The following PTPN14 variants were observed in gnomAD, a reference collection of about 807,000 sequenced individuals.
PTPN14 encodes the protein tyrosine-protein phosphatase non-receptor type 14.
A neutral mutation model predicts 126.8 loss-of-function variants in PTPN14; 53 were observed. The observed-to-expected ratio is 0.42, with a 90% confidence interval of 0.34 to 0.53. The LOEUF is 0.53. PTPN14 is among the 20% of genes least tolerant of loss of function. The pLI, the probability that PTPN14 is intolerant of heterozygous loss-of-function variation, is 0.08. For missense variants in PTPN14, 1,257 were observed against 1,552.9 expected (o/e 0.81, Z 3.20); for synonymous variants, 630 against 599.3 (o/e 1.05, Z -0.75).
chr1:214,424,612 C>T (rs555127776), intron 3 of PTPN14, among the ~76,000 whole-genome samples: 1 of 152,016 alleles, frequency 6.6e-6, no homozygotes, highest in South Asian at 2.1e-4. Flanking sequence ...ATTGCAACCT[C>T]CATCTCCCGG....
At chr1:214,381,594 A>G (rs1571961569) in intron 13 of PTPN14, among the ~76,000 whole-genome samples, 1 of 152,358 alleles carries the variant, frequency 6.6e-6, no homozygotes, top group East Asian at 1.9e-4. Context: ...AGGTTTTCCA[A>G]AAGTAACAAG....
chr1:214,495,825 G>C (rs1661352011), intron 1 of PTPN14, among the ~76,000 whole-genome samples: 1 of 152,100 alleles, frequency 6.6e-6, no homozygotes, highest in South Asian at 2.1e-4. Context: ...CTCCCGAGTA[G>C]CTGGGATTAC....
At chr1:214,479,214 G>A (rs2102672722) in intron 1 of PTPN14, among the ~76,000 whole-genome samples, 1 of 152,190 alleles carries the variant, frequency 6.6e-6, no homozygotes, top group African/African-American at 2.4e-5. Flanking sequence ...GAATGTGGTG[G>A]TGCATGCATG....
At chr1:214,520,741 G>A (rs752681938) in intron 1 of PTPN14, among the ~76,000 whole-genome samples, 1 of 152,052 alleles carries the variant, frequency 6.6e-6, no homozygotes, top group African/African-American at 2.4e-5. Flanking sequence ...GACTTGTTGA[G>A]TTTATTGGGA....
intron 13 of PTPN14, among the ~76,000 whole-genome samples, chr1:214,380,459 C>G (rs2102532527): frequency 6.6e-6 from 1 of 152,166 alleles, no homozygotes; most frequent in Non-Finnish European, 1.5e-5. Flanking sequence ...GATCAGAGGG[C>G]CTTTTCTTCT....
At chr1:214,519,905 G>A (rs1655200690) in intron 1 of PTPN14, among the ~76,000 whole-genome samples, 1 of 151,654 alleles carries the variant, frequency 6.6e-6, no homozygotes, top group African/African-American at 2.4e-5. Flanking sequence ...AAATTAGCTG[G>A]GCATGGTGGC....
intron 1 of PTPN14, chr1:214,533,535 A>T (rs1021392061): frequency 4.0e-4 from 40 of 100,770 alleles, no homozygotes; most frequent in African/African-American, 1.6e-3. Flanking sequence ...CGGTTTAAAT[A>T]AAAAAAAAAA....
intron 3 of PTPN14, among the ~76,000 whole-genome samples, chr1:214,419,160 T>C (rs562141660): frequency 2.0e-5 from 3 of 152,176 alleles, no homozygotes; most frequent in African/African-American, 4.8e-5. Context: ...CATTACTCCT[T>C]CTCCCCCTAC....
intron 1 of PTPN14, among the ~76,000 whole-genome samples, chr1:214,467,888 G>C (rs894688085): frequency 6.6e-6 from 1 of 152,148 alleles, no homozygotes; most frequent in African/African-American, 2.4e-5. Context: ...TCAACAAAAT[G>C]TAAGAAAATT....
At chr1:214,466,043 G>A (rs187611229) in intron 1 of PTPN14, among the ~76,000 whole-genome samples, 27 of 134,728 alleles carry the variant, frequency 2.0e-4, no homozygotes, top group South Asian at 7.6e-4. Context: ...TGCAACCTCC[G>A]CCTCCCAGGT....
chr1:214,467,824 T>G (rs1482574789), intron 1 of PTPN14, among the ~76,000 whole-genome samples: 1 of 152,164 alleles, frequency 6.6e-6, no homozygotes, highest in Admixed American at 6.5e-5. Context: ...ACATTTTGAT[T>G]TCTAAAAGAC....
chr1:214,492,858 A>G (rs951200642), intron 1 of PTPN14, among the ~76,000 whole-genome samples: 2 of 151,872 alleles, frequency 1.3e-5, no homozygotes, highest in East Asian at 1.9e-4. Context: ...AGATCACACT[A>G]CAGCATTCCA....
At chr1:214,458,641 T>C (rs746743372) in intron 2 of PTPN14, among the ~76,000 whole-genome samples, 11 of 152,108 alleles carry the variant, frequency 7.2e-5, no homozygotes, top group Non-Finnish European at 1.5e-4. Flanking sequence ...ACATAGCTAG[T>C]AAATGGCAGA....
In PTPN14 at chr1:214,427,369, T is replaced by C. The variant is rs566081011; in HGVS notation, c.345-12643A>G. 1.8e-4 allele frequency among the ~76,000 whole-genome samples: 28 copies of C among 152,232 alleles called. 1 individual carries two copies. The South Asian group carries it at 5.6e-3, about 30-fold the overall frequency. ...GTTCATGAAACCAGCATAAAATGTA[T>C]TGAATAGAAATCATTATAAAAGCTG... is the stretch of plus-strand genomic sequence containing the variant. On this transcript the variant is annotated intron_variant, in intron 3 of 18. Transcript: ENST00000366956.
intron 11 of PTPN14, among the ~76,000 whole-genome samples, chr1:214,390,658 G>A (rs1215576852): frequency 6.6e-6 from 1 of 152,150 alleles, no homozygotes; most frequent in East Asian, 1.9e-4. Context: ...AACTGAAGAT[G>A]TATCTTCACA....
At chr1:214,444,141 C>T (rs933163599) in intron 3 of PTPN14, among the ~76,000 whole-genome samples, 1 of 152,226 alleles carries the variant, frequency 6.6e-6, no homozygotes, top group Admixed American at 6.5e-5. Context: ...GGTAATTCTT[C>T]TTCCCTCCAA....
chr1:214,491,116 C>T (rs1478461907), intron 1 of PTPN14, among the ~76,000 whole-genome samples: 1 of 151,786 alleles, frequency 6.6e-6, no homozygotes, highest in East Asian at 1.9e-4. Context: ...GGCATAACCC[C>T]CTACCCAGTG....
At position 214,357,285 on chromosome 1, in the gene PTPN14, C is replaced by CA. The variant is rs995525097; in HGVS notation, c.*636dup. 5 of 145,118 alleles carry CA rather than the reference C, an allele frequency of 3.4e-5. No individual in the cohort carries two copies. Among genetic ancestry groups the CA allele is most frequent in the African/African-American group, 1.3e-4 (5 of 38,448 alleles). 9.0% of individuals were successfully genotyped at this position (145,118 alleles called of 1,614,324 possible). ...GTCTTTAGCTATTCTGTCTTTAACT[C>CA]AAGCTTGGGGGGGAAGTTGGGGTGG... is the stretch of plus-strand genomic sequence containing the variant. On this transcript the variant is annotated 3_prime_UTR_variant, in exon 19 of 19. Transcript: ENST00000366956.
intron 11 of PTPN14, among the ~76,000 whole-genome samples, chr1:214,389,843 T>C (rs967025993): frequency 3.3e-5 from 5 of 152,222 alleles, no homozygotes; most frequent in African/African-American, 1.2e-4. Flanking sequence ...ATCAGTGCCA[T>C]GAACAAATCT....
Sources: allele counts gnomAD v4.1 joint callset (sites outside exome capture counted in the v4.1 genomes callset), GRCh38; gene constraint gnomAD v4.1.1; transcripts MANE v1.5; gene names NCBI Gene and HGNC (gene_info 2026-07-23, HGNC 2026-07-21).